Variants in RMND5A observed in about 807,000 individuals in gnomAD.
RMND5A encodes the protein required for meiotic nuclear division 5 homolog A.
A neutral mutation model predicts 49.7 loss-of-function variants in RMND5A; 17 were observed. The ratio of observed to expected loss-of-function variants is 0.34; its 90% CI spans 0.23 to 0.51. The LOEUF (loss-of-function observed/expected upper bound fraction) is 0.51. RMND5A is among the 20% of genes least tolerant of loss of function. The pLI, the probability that RMND5A is intolerant of heterozygous loss-of-function variation, is 0.96. For synonymous variants in RMND5A, 156 were observed against 167.7 expected, an observed-to-expected ratio of 0.93 and a Z score of 0.54; for missense variants, 255 against 471.3, an observed-to-expected ratio of 0.54 and a Z score of 4.25.
chr2:86,770,307 A>AG (rs755841768), intron 7 of RMND5A, among the ~76,000 whole-genome samples, 182 bp downstream of exon 7: 1 of 152,316 alleles, frequency 6.6e-6, no homozygotes, highest in Non-Finnish European at 1.5e-5. Context: ...GGGACCCTGG[A>AG]GGAGGAGTAT....
In RMND5A at chr2:86,746,209, T is replaced by G. The variant is rs550963738; in HGVS notation, c.285+5140T>G. ...CAAAAGGACTTAATATCCATTAAAC[T>G]GTGCTAGCTAATCCAGTCTGCAATT... On this transcript the variant is annotated intron_variant, in intron 2 of 8. Transcript: ENST00000283632. Among the ~76,000 whole-genome samples, 4 of 152,358 alleles carry G rather than the reference T, an allele frequency of 2.6e-5. No homozygotes were observed. The East Asian group carries it at 7.7e-4, about 29-fold the overall frequency.
At chr2:86,772,836 C>T (rs1672705920) in intron 8 of RMND5A, among the ~76,000 whole-genome samples, 1 of 152,094 alleles carries the variant, frequency 6.6e-6, no homozygotes, top group African/African-American at 2.4e-5. Flanking sequence ...CTCAAGCATC[C>T]ACCCACCTCA....
intron 7 of RMND5A, among the ~76,000 whole-genome samples, chr2:86,770,542 T>G (rs1442482441): frequency 1.3e-5 from 2 of 151,486 alleles, no homozygotes; most frequent in Non-Finnish European, 2.9e-5. Flanking sequence ...GCCAATAGAA[T>G]AAGTATAGAG....
At chr2:86,767,569 C>T (rs575235731) in intron 6 of RMND5A, among the ~76,000 whole-genome samples, 28 of 152,234 alleles carry the variant, frequency 1.8e-4, no homozygotes, top group African/African-American at 5.3e-4. Flanking sequence ...TTGTGTGCCA[C>T]ATCACCCAGC....
rs185565824 is a variant in RMND5A, at chr2:86,771,759, G to A, written c.1112+47G>A. 1,119 of 1,512,322 alleles carry A rather than the reference G, an allele frequency of 7.4e-4. 10 individuals carry two copies. In the African/African-American group the frequency reaches 0.014, roughly 19 times the overall value. The allele number at this position is 1,512,322 out of a possible 1,614,324, so 93.7% of individuals were successfully genotyped here. ...AATGTTAGCAAATAAATTTTGTTTT[G>A]GAACTTGGTAGGAGGATAAGAAGTG... On this transcript the variant is annotated intron_variant, in intron 8 of 8. Coordinates refer to ENST00000283632, the MANE Select transcript of RMND5A (RefSeq NM_022780.4).
intron 3 of RMND5A, 58 bp from the exon 4 acceptor site, chr2:86,753,400 A>G (rs533199087): frequency 2.0e-6 from 2 of 985,984 alleles, no homozygotes; most frequent in East Asian, 4.8e-5. Context: ...TACTTTTACC[A>G]CTAGCTCCTT....
intron 4 of RMND5A, among the ~76,000 whole-genome samples, chr2:86,756,571 C>G (rs944936330): frequency 7.9e-5 from 12 of 152,152 alleles, no homozygotes; most frequent in Non-Finnish European, 1.6e-4. Context: ...ATCGTCATTA[C>G]AACAATTCAG....
intron 4 of RMND5A, among the ~76,000 whole-genome samples, chr2:86,760,271 C>T (rs1672443458): frequency 6.6e-6 from 1 of 152,188 alleles, no homozygotes; most frequent in Non-Finnish European, 1.5e-5. Context: ...CTCAAACTCC[C>T]AGCATCAGGT....
At chr2:86,728,910 G>T (rs1453546154) in intron 1 of RMND5A, among the ~76,000 whole-genome samples, 4 of 151,500 alleles carry the variant, frequency 2.6e-5, no homozygotes, top group Non-Finnish European at 4.4e-5. Context: ...ATGCCACCAG[G>T]CCTGACTATT....
intron 4 of RMND5A, among the ~76,000 whole-genome samples, chr2:86,763,243 A>G (rs1469443133): frequency 2.6e-5 from 4 of 151,868 alleles, no homozygotes; most frequent in Non-Finnish European, 2.9e-5. Context: ...TTACACATAC[A>G]TCTCGTATCA....
chr2:86,764,932 C>T (rs1328831991), intron 4 of RMND5A, 95 bp from the exon 5 acceptor site: 1 of 1,226,358 alleles, frequency 8.2e-7, no homozygotes, highest in African/African-American at 1.5e-5. Context: ...AGATGGCAGA[C>T]CAAGCCCCTT....
At chr2:86,757,174 CAAAAAA>C (rs60710494) in intron 4 of RMND5A, among the ~76,000 whole-genome samples, 36 of 97,936 alleles carry the variant, frequency 3.7e-4, no homozygotes, top group African/African-American at 1.4e-3. Flanking sequence ...AACTCAGTCT[CAAAAAA>C]AAAAAAAAAA....
chr2:86,757,428 T>C (rs569431724), intron 4 of RMND5A, among the ~76,000 whole-genome samples: 5 of 152,286 alleles, frequency 3.3e-5, no homozygotes, highest in Admixed American at 6.5e-5. Context: ...TCTTGGCGCC[T>C]AGAGTAGTGC....
chr2:86,720,528 G>A lies in RMND5A; in HGVS notation c.-140G>A, dbSNP rs1681178996. 1 of 492,568 alleles carries A rather than the reference G, an allele frequency of 2.0e-6. No homozygotes were observed. Among genetic ancestry groups the A allele is most frequent in the South Asian group, 1.0e-4 (1 of 10,028 alleles). 30.5% of individuals were successfully genotyped at this position (492,568 alleles called of 1,614,324 possible). A position where few individuals can be genotyped will look rare whatever the true frequency, so the allele number is the denominator to read the frequency against. ...CGGGGCTCCCCCGGCGCCGCGGCTAGTGCGCCCGCCGCCTCGGCCGCCTCA... is the reference window on the plus strand; with the variant it reads ...CGGGGCTCCCCCGGCGCCGCGGCTAATGCGCCCGCCGCCTCGGCCGCCTCA... On this transcript the variant is annotated 5_prime_UTR_variant, in exon 1 of 9. The change creates a new upstream start codon in the 5' untranslated region. Coordinates refer to ENST00000283632, the MANE Select transcript of RMND5A (RefSeq NM_022780.4).
intron 4 of RMND5A, among the ~76,000 whole-genome samples, chr2:86,757,419 C>T (rs571186982): frequency 2.0e-5 from 3 of 152,274 alleles, no homozygotes; most frequent in East Asian, 3.9e-4. Flanking sequence ...TTGAATTTCT[C>T]TTGGCGCCTA....
In RMND5A at chr2:86,771,552, T is replaced by A. The variant is rs986336024; in HGVS notation, c.958-6T>A. ...GCTTTTTTACTTTTTTTTTTTTTTT[T>A]AACAGATTGAAGTGGACCTTGGTAA... On this transcript the variant is annotated splice_region_variant and splice_polypyrimidine_tract_variant and intron_variant, in intron 7 of 8. Transcript: ENST00000283632. 7 of 1,526,846 alleles carry A rather than the reference T, an allele frequency of 4.6e-6. No individual in the cohort carries two copies. Among genetic ancestry groups the A allele is most frequent in the African/African-American group, 1.5e-5 (1 of 66,658 alleles). 94.6% of individuals were successfully genotyped at this position (1,526,846 alleles called of 1,614,324 possible). A position where few individuals can be genotyped will look rare whatever the true frequency, so the allele number is the denominator to read the frequency against.
chr2:86,762,789 C>A (rs962827460), intron 4 of RMND5A, among the ~76,000 whole-genome samples: 1 of 149,286 alleles, frequency 6.7e-6, no homozygotes, highest in Non-Finnish European at 1.5e-5. Context: ...ACCTGTAATC[C>A]CAGCACTTTG....
At chr2:86,762,699 TCA>T (rs1672521790) in intron 4 of RMND5A, among the ~76,000 whole-genome samples, 1 of 5,190 alleles carries the variant, frequency 1.9e-4, no homozygotes. Flanking sequence ...ATCATATATA[TCA>T]TATATATCAT....
intron 3 of RMND5A, 145 bp downstream of exon 3, chr2:86,752,175 A>G: frequency 1.4e-6 from 1 of 722,148 alleles, no homozygotes; most frequent in Non-Finnish European, 2.1e-6. Context: ...ACCTCATTTT[A>G]CTAGGAGTAT....
Sources: allele counts gnomAD v4.1 joint callset (sites outside exome capture counted in the v4.1 genomes callset), GRCh38; gene constraint gnomAD v4.1.1; transcripts MANE v1.5; gene names NCBI Gene and HGNC (gene_info 2026-07-23, HGNC 2026-07-21).